Variants in SNX9 observed in about 807,000 individuals in gnomAD.
SNX9 encodes the protein sorting nexin-9.
SNX9 carries 44 observed loss-of-function variants against 89.4 expected under a neutral mutation model. That is an observed-to-expected ratio of 0.49 (90% CI 0.39 to 0.63). The LOEUF (loss-of-function observed/expected upper bound fraction) is 0.63. Among genes scored for constraint, SNX9 ranks in the 30% least tolerant of loss-of-function variants. The pLI is 0.00. For synonymous variants in SNX9, 236 were observed against 247.8 expected, an observed-to-expected ratio of 0.95 and a Z score of 0.45; for missense variants, 578 against 736.1, an observed-to-expected ratio of 0.79 and a Z score of 2.49.
intron 1 of SNX9, among the ~76,000 whole-genome samples, chr6:157,851,601 T>C (rs1227611402): frequency 6.6e-6 from 1 of 152,216 alleles, no homozygotes; most frequent in East Asian, 1.9e-4. Flanking sequence ...GTTGTTTTTT[T>C]CTTTTTGAAA....
In SNX9 at chr6:157,906,582, T is replaced by C. The variant is rs191415449; in HGVS notation, c.705+370T>C. Among the ~76,000 whole-genome samples, 215 of 152,376 alleles carry C rather than the reference T, an allele frequency of 1.4e-3. 1 individual carries two copies. The highest frequency in any genetic ancestry group is 3.4e-3 in the Middle Eastern group (1 of 294). ...TCCCTTGTAAAGTACATGTATGTTA[T>C]CAGAATAAGGTACCCTTTCAGATAT... On this transcript the variant is annotated intron_variant, in intron 7 of 17. Transcript: ENST00000392185.
chr6:157,846,126 C>G (rs934168584), intron 1 of SNX9, among the ~76,000 whole-genome samples: 12 of 152,224 alleles, frequency 7.9e-5, no homozygotes, highest in Admixed American at 7.8e-4. Flanking sequence ...CTGATGCATC[C>G]CTCACTTGGT....
intron 1 of SNX9, among the ~76,000 whole-genome samples, chr6:157,829,702 C>T (rs1301685061): frequency 1.3e-5 from 2 of 152,066 alleles, no homozygotes; most frequent in Non-Finnish European, 2.9e-5. Flanking sequence ...ACCTCTTTAC[C>T]TCTGGTAATG....
chr6:157,864,233 A>C (rs1054065936), intron 1 of SNX9, among the ~76,000 whole-genome samples: 2 of 152,038 alleles, frequency 1.3e-5, no homozygotes, highest in African/African-American at 4.8e-5. Context: ...AGCGAGAGTA[A>C]ACCCACTCCC....
intron 7 of SNX9, among the ~76,000 whole-genome samples, chr6:157,908,750 C>T (rs865977366): frequency 2.6e-5 from 4 of 152,060 alleles, no homozygotes; most frequent in African/African-American, 4.8e-5. Flanking sequence ...AAAACTTACA[C>T]GAGGTCTCTA....
intron 7 of SNX9, among the ~76,000 whole-genome samples, chr6:157,907,806 G>T (rs894936853): frequency 6.6e-6 from 1 of 152,226 alleles, no homozygotes; most frequent in African/African-American, 2.4e-5. Flanking sequence ...TGCTCTAAAA[G>T]TGCAGTAACC....
At chr6:157,869,230 C>T (rs192750217) in intron 2 of SNX9, among the ~76,000 whole-genome samples, 35 of 152,284 alleles carry the variant, frequency 2.3e-4, no homozygotes, top group African/African-American at 8.4e-4. Context: ...CCACGTCATT[C>T]CACCTTCAGC....
intron 1 of SNX9, among the ~76,000 whole-genome samples, chr6:157,840,468 T>G (rs1052434877): frequency 2.0e-5 from 3 of 151,744 alleles, no homozygotes; most frequent in African/African-American, 7.3e-5. Context: ...TCCTTCCTTC[T>G]CCCTTCTCTC....
chr6:157,857,236 A>C (rs1032333973), intron 1 of SNX9, among the ~76,000 whole-genome samples: 21 of 152,172 alleles, frequency 1.4e-4, no homozygotes, highest in Admixed American at 2.6e-4. Flanking sequence ...TCAGGTTGGT[A>C]CCTGTGTCTT....
chr6:157,860,978 T>C (rs1782108833), intron 1 of SNX9, among the ~76,000 whole-genome samples: 1 of 152,226 alleles, frequency 6.6e-6, no homozygotes, highest in South Asian at 2.1e-4. Context: ...CTTGTCTAAT[T>C]GACCATCAGT....
intron 7 of SNX9, 41 bp from the exon 8 acceptor site, chr6:157,909,624 T>G (rs1783295486): frequency 6.2e-7 from 1 of 1,607,018 alleles, no homozygotes; most frequent in African/African-American, 1.3e-5. Context: ...TTATTATTTT[T>G]CCATGTAACA....
chr6:157,940,980 T>C lies in SNX9; in HGVS notation c.1740+6T>C, dbSNP rs776373397. The C allele has an allele frequency of 3.7e-6, 6 of 1,613,750 alleles. No homozygotes were observed. The highest frequency in any genetic ancestry group is 4.2e-6 in the Non-Finnish European group (5 of 1,179,658). On this transcript the variant is annotated splice_donor_region_variant and intron_variant, in intron 17 of 17. Coordinates refer to ENST00000392185, the MANE Select transcript of SNX9 (RefSeq NM_016224.5). ...AAGTGCAATTTTACGAAACGGTGAG[T>C]GGGCGTCCACGTGCCTTTCGCATGT...
chr6:157,873,221 G>A, intron 3 of SNX9, 45 bp downstream of exon 3: 1 of 1,451,102 alleles, frequency 6.9e-7, no homozygotes, highest in Admixed American at 2.2e-5. Flanking sequence ...ATCTTTGCCA[G>A]GCATCTTTTT....
chr6:157,907,579 C>T (rs775254357), intron 7 of SNX9, among the ~76,000 whole-genome samples: 58 of 152,294 alleles, frequency 3.8e-4, no homozygotes, highest in Non-Finnish European at 1.3e-4. Flanking sequence ...CCACTGCGCC[C>T]GGCCTGCCTC....
chr6:157,927,718 C>CTTTTTTT (rs761592456), intron 11 of SNX9, among the ~76,000 whole-genome samples: 5 of 98,762 alleles, frequency 5.1e-5, no homozygotes, highest in African/African-American at 1.8e-4. Context: ...TAATTTTAAG[C>CTTTTTTT]TTTTTTTTTT....
At position 157,901,898 on chromosome 6, in the gene SNX9, C is replaced by A; in HGVS notation, c.473C>A (p.Ala158Glu). 1 of 1,598,512 alleles carries A rather than the reference C, an allele frequency of 6.3e-7. No individual in the cohort carries two copies. The highest frequency in any genetic ancestry group is 1.7e-4 in the Middle Eastern group (1 of 6,006). ...GATGATCTTCCATTTTCACCTCTAG[C>A]AACTGGTGATGATGATGACTGGGAT... Reference protein sequence around the residue: ...FGHPQAYQGPATGDDDDWDED... With the variant: ...FGHPQAYQGPETGDDDDWDED... Residue 158 changes from alanine to glutamate, a missense_variant and splice_region_variant, in exon 6 of 18, where the codon GCA (alanine) becomes GAA (glutamate). By Grantham distance (107) the Ala-to-Glu change is moderately radical. Coordinates refer to ENST00000392185, the MANE Select transcript of SNX9 (RefSeq NM_016224.5).
intron 1 of SNX9, among the ~76,000 whole-genome samples, chr6:157,867,045 C>G (rs532949900): frequency 1.2e-3 from 176 of 152,208 alleles, no homozygotes; most frequent in African/African-American, 4.0e-3. Flanking sequence ...ACCTCCTGGG[C>G]TCAAGCAATC....
intron 16 of SNX9, among the ~76,000 whole-genome samples, chr6:157,939,123 G>A (rs1783984418): frequency 6.6e-6 from 1 of 151,782 alleles, no homozygotes; most frequent in South Asian, 2.1e-4. Context: ...TGTCATTTTA[G>A]GCACAATTTT....
chr6:157,928,041 G>A (rs1328282545), intron 11 of SNX9, among the ~76,000 whole-genome samples: 1 of 152,054 alleles, frequency 6.6e-6, no homozygotes. Flanking sequence ...TGTAATTATA[G>A]GAAAGATTGT....
Sources: allele counts gnomAD v4.1 joint callset (sites outside exome capture counted in the v4.1 genomes callset), GRCh38; gene constraint gnomAD v4.1.1; transcripts MANE v1.5; gene names NCBI Gene and HGNC (gene_info 2026-07-23, HGNC 2026-07-21).